GFY: variants seen among roughly 807,000 people sequenced by gnomAD.
GFY encodes the protein Golgi-associated olfactory signaling regulator.
Under a neutral mutation model 29.1 loss-of-function variants are expected in GFY, and 28 were observed. The ratio of observed to expected loss-of-function variants is 0.96; its 90% CI spans 0.71 to 1.32. GFY has a LOEUF of 1.32. GFY is among the 40% of genes most tolerant of loss of function. The pLI is 0.00. For synonymous variants in GFY, 277 were observed against 274.5 expected, an observed-to-expected ratio of 1.01 and a Z score of -0.09; for missense variants, 656 against 661.9, an observed-to-expected ratio of 0.99 and a Z score of 0.10.
intron 1 of GFY, among the ~76,000 whole-genome samples, chr19:49,425,951 C>T (rs534312096): frequency 7.9e-5 from 12 of 152,278 alleles, no homozygotes; most frequent in African/African-American, 2.6e-4. Flanking sequence ...CCAAATGTCT[C>T]CCTCCTCCCT....
chr19:49,427,149 C>A lies in GFY; in HGVS notation c.719C>A (p.Thr240Asn), dbSNP rs558073384. ...GCTCTCCATCCTGACCCTTCTAAAA[C>A]CCCCCACCCAGAATCCCATGTGACC... Reference protein sequence around the residue: ...LQALHPDPSKTPHPESHVTHN... With the variant: ...LQALHPDPSKNPHPESHVTHN... Residue 240 changes from threonine (T) to asparagine (N), a missense_variant, in exon 2 of 4, where the codon ACC (threonine) becomes AAC (asparagine). By Grantham distance (65) the Thr-to-Asn change is moderately conservative. Coordinates refer to ENST00000610896, the MANE Select transcript of GFY (RefSeq NM_001195256.2). 1,083 of 1,535,870 alleles carry A rather than the reference C, an allele frequency of 7.1e-4. 1 individual carries two copies. The highest frequency in any genetic ancestry group is 9.1e-4 in the Non-Finnish European group (1,041 of 1,146,838).
At chr19:49,425,101 T>C (rs1321086801), upstream of GFY, among the ~76,000 whole-genome samples, 1 of 150,874 alleles carries the variant, frequency 6.6e-6, no homozygotes, top group Admixed American at 6.6e-5. Flanking sequence ...ACTGGAGTTC[T>C]GAGTCTGGGG....
At chr19:49,427,835 G>C (rs928997891) in intron 2 of GFY, 111 bp from the exon 3 acceptor site, 2 of 1,363,834 alleles carry the variant, frequency 1.5e-6, no homozygotes, top group Non-Finnish European at 2.0e-6. Flanking sequence ...GAGGGAGAAG[G>C]GTTTGGGAAC....
chr19:49,427,894 G>A, intron 2 of GFY, 52 bp from the exon 3 acceptor site: 2 of 1,502,240 alleles, frequency 1.3e-6, no homozygotes, highest in Non-Finnish European at 1.8e-6. Context: ...TGGACCCCTG[G>A]GTCTGAGAGA....
chr19:49,427,987 G>T lies in GFY; in HGVS notation c.1225G>T (p.Ala409Ser). The T allele has an allele frequency of 6.5e-7, 1 of 1,535,736 alleles. No individual in the cohort carries two copies. Among genetic ancestry groups the T allele is most frequent in the Non-Finnish European group, 8.7e-7 (1 of 1,146,566 alleles). ...VGRPRGAAGGALCLFFAGTAL... is the reference protein window; with the variant it reads ...VGRPRGAAGGSLCLFFAGTAL... ...GCGACCACGTGGCGCAGCAGGCGGG[G>T]CCCTCTGCCTGTTCTTCGCGGGGAC... is the stretch of plus-strand genomic sequence containing the variant. Residue 409 changes from alanine to serine, a missense_variant, in exon 3 of 4, where the codon GCC (alanine) becomes TCC (serine). Physicochemically the swap from Ala to Ser is moderately conservative, Grantham distance 99 (BLOSUM62 1). Transcript: ENST00000610896.
Position 49,427,308 on chromosome 19 carries a change from A to G in GFY, c.878A>G (p.Lys293Arg), listed in dbSNP as rs1165443927. ...SLYPETPVPF[K>R]DDATALNELS... ...TACCCAGAAACACCTGTGCCCTTCA[A>G]GGATGACGCCACTGCTCTAAATGAG... is the stretch of plus-strand genomic sequence containing the variant. The change falls in exon 2 of 4, where the codon AAG (lysine) becomes AGG (arginine). Residue 293 changes from lysine (K) to arginine (R), a missense_variant. Physicochemically the swap from Lys to Arg is conservative, Grantham distance 26. Transcript: ENST00000610896. 6.5e-7 allele frequency: 1 copy of G among 1,536,090 alleles called. No individual in the cohort carries two copies. The highest frequency in any genetic ancestry group is 2.4e-5 in the East Asian group (1 of 40,936).
In GFY at chr19:49,427,250, A is replaced by C; in HGVS notation, c.820A>C (p.Arg274=). The C allele has an allele frequency of 6.5e-7, 1 of 1,536,122 alleles. No homozygotes were observed. The highest frequency in any genetic ancestry group is 8.7e-7 in the Non-Finnish European group (1 of 1,146,894). The part of the protein sequence containing the change: ...TYYQNATDVP[R]TSDPQISTSL... ...CTACCAAAATGCAACAGATGTACCC[A>C]GGACCTCCGACCCTCAAATCTCCAC... is the stretch of plus-strand genomic sequence containing the variant. The change falls in exon 2 of 4, where the codon AGG becomes CGG. Residue 274 remains arginine, a synonymous_variant. Transcript: ENST00000610896.
Position 49,427,450 on chromosome 19 carries a change from T to C in GFY, c.1020T>C (p.Pro340=), listed in dbSNP as rs1225284650. ...VELKAPQNSG[P]KESNVPPPSA... is the part of the protein sequence containing the mutation. ...TGAAGGCCCCCCAGAACTCTGGCCC[T>C]AAGGAGTCCAACGTCCCTCCTCCCT... Residue 340 remains proline (P), a synonymous_variant, in exon 2 of 4, where the codon CCT becomes CCC. Coordinates refer to ENST00000610896, the MANE Select transcript of GFY (RefSeq NM_001195256.2). The C allele has an allele frequency of 6.5e-7, 1 of 1,535,740 alleles. No homozygotes were observed. Among genetic ancestry groups the C allele is most frequent in the South Asian group, 1.2e-5 (1 of 84,000 alleles).
rs1045676141 is a variant in GFY, at chr19:49,428,659, C to T, written c.1398C>T (p.Tyr466=). The change falls in exon 4 of 4, where the codon TAC becomes TAT. Residue 466 remains tyrosine, a synonymous_variant. Transcript: ENST00000610896. ...LDAPKDPYDL[Y]FYAPDTWVPS... ...CCCCGAAAGACCCCTACGACCTCTA[C>T]TTTTATGCTCCGGATACCTGGGTCC... is the stretch of plus-strand genomic sequence containing the variant. The T allele has an allele frequency of 9.7e-5, 148 of 1,526,920 alleles. No homozygotes were observed. The highest frequency in any genetic ancestry group is 1.2e-4 in the African/African-American group (9 of 72,598). The allele number at this position is 1,526,920 out of a possible 1,614,324, so 94.6% of individuals were successfully genotyped here.
In GFY at chr19:49,427,351, A is replaced by C; in HGVS notation, c.921A>C (p.Lys307Asn). The C allele has an allele frequency of 6.5e-7, 1 of 1,536,176 alleles. No homozygotes were observed. ...TALNELSLNP[K>N]PGTPAAIQPD... ...TAAATGAGCTGTCCCTGAATCCCAAACCAGGAACACCTGCAGCCATCCAGC... is the reference window on the plus strand; with the variant it reads ...TAAATGAGCTGTCCCTGAATCCCAACCCAGGAACACCTGCAGCCATCCAGC... Residue 307 changes from lysine (K) to asparagine (N), a missense_variant, in exon 2 of 4, where the codon AAA becomes AAC. Physicochemically the swap from Lys to Asn is moderately conservative, Grantham distance 94 (BLOSUM62 0). Coordinates refer to ENST00000610896, the MANE Select transcript of GFY (RefSeq NM_001195256.2).
chr19:49,427,874 G>A, intron 2 of GFY, 72 bp from the exon 3 acceptor site: 1 of 1,473,072 alleles, frequency 6.8e-7, no homozygotes, highest in Non-Finnish European at 9.1e-7. Flanking sequence ...GGGAGGAGGG[G>A]CTAGGAGCTT....
Position 49,428,707 on chromosome 19 carries a change from GC to G in GFY, c.1451del (p.Pro484ArgfsTer?). 1.3e-6 allele frequency: 2 copies of G among 1,531,304 alleles called. No homozygotes were observed. Among genetic ancestry groups the G allele is most frequent in the African/African-American group, 1.4e-5 (1 of 72,838 alleles). 94.9% of individuals were successfully genotyped at this position (1,531,304 alleles called of 1,614,324 possible). A position where few individuals can be genotyped will look rare whatever the true frequency, so the allele number is the denominator to read the frequency against. ...TCCCTTCCCACATCGCCACCAAGCA[GC>G]CCCCGCCCACACCTCCTCTGCCACC... is the stretch of plus-strand genomic sequence containing the variant. ...WVPSHIATKQ[P>X]PPTPPLPPKL... On this transcript the variant is annotated frameshift_variant, in exon 4 of 4. Coordinates refer to ENST00000610896, the MANE Select transcript of GFY (RefSeq NM_001195256.2). LOFTEE classifies it high-confidence loss of function.
chr19:49,427,583 A>C lies in GFY; in HGVS notation c.1153A>C (p.Ile385Leu). 4.7e-6 allele frequency: 7 copies of C among 1,483,436 alleles called. No homozygotes were observed. The highest frequency in any genetic ancestry group is 5.3e-6 in the Non-Finnish European group (6 of 1,123,692). 91.9% of individuals were successfully genotyped at this position (1,483,436 alleles called of 1,614,324 possible). The change falls in exon 2 of 4, where the codon ATC (isoleucine) becomes CTC (leucine). Residue 385 changes from isoleucine to leucine, a missense_variant. Transcript: ENST00000610896. Reference protein sequence around the residue: ...RHSRGEGVNTIIVVERVKETG... With the variant: ...RHSRGEGVNTLIVVERVKETG... ...CAGCCGAGGTGAGGGAGTCAACACC[A>C]TCATCGTGGTGGAGCGAGTGAAGGA...
Position 49,426,493 on chromosome 19 carries a change from C to A in GFY, c.63C>A (p.Ala21=), listed in dbSNP as rs1225536217. The A allele has an allele frequency of 2.6e-6, 4 of 1,536,174 alleles. No homozygotes were observed. The highest frequency in any genetic ancestry group is 2.0e-5 in the Admixed American group (1 of 51,004). Residue 21 remains alanine, a synonymous_variant, in exon 2 of 4, where the codon GCC becomes GCA. Transcript: ENST00000610896. The part of the protein sequence containing the change: ...VFLLAGLRSK[A]APSAPLPLGC... The stretch of plus-strand genomic sequence containing the variant: ...TCCTCGCCGGCCTGAGGTCCAAGGC[C>A]GCTCCCTCAGCCCCTCTGCCTTTGG...
At position 49,426,561 on chromosome 19, in the gene GFY, C is replaced by T. The variant is rs1348933784; in HGVS notation, c.131C>T (p.Pro44Leu). The stretch of plus-strand genomic sequence containing the variant: ...ATGGCCCACCCCTCTGAGACTTCCC[C>T]TCTGAAGGGTGCTTCTGAAAATTCC... ...PDMAHPSETS[P>L]LKGASENSKR... is the part of the protein sequence containing the mutation. The change falls in exon 2 of 4, where the codon CCT becomes CTT. Residue 44 changes from proline to leucine, a missense_variant. Coordinates refer to ENST00000610896, the MANE Select transcript of GFY (RefSeq NM_001195256.2). 1.3e-6 allele frequency: 2 copies of T among 1,536,168 alleles called. No homozygotes were observed. The highest frequency in any genetic ancestry group is 1.7e-6 in the Non-Finnish European group (2 of 1,146,910).
At chr19:49,426,039 G>T (rs1317604037) in intron 1 of GFY, among the ~76,000 whole-genome samples, 1 of 152,174 alleles carries the variant, frequency 6.6e-6, no homozygotes, top group African/African-American at 2.4e-5. Flanking sequence ...TGTCCCGGGG[G>T]ACCTCGGAGA....
chr19:49,426,855 C>A lies in GFY; in HGVS notation c.425C>A (p.Thr142Asn). The change falls in exon 2 of 4, where the codon ACT becomes AAT. Residue 142 changes from threonine (T) to asparagine (N), a missense_variant. Coordinates refer to ENST00000610896, the MANE Select transcript of GFY (RefSeq NM_001195256.2). ...TCTGAGACCCCCACACCTGGCCCAA[C>A]TGAAATGCCACACCCAGGATCCCCT... ...ESSETPTPGP[T>N]EMPHPGSPET... 1 of 1,535,906 alleles carries A rather than the reference C, an allele frequency of 6.5e-7. No individual in the cohort carries two copies. Among genetic ancestry groups the A allele is most frequent in the Non-Finnish European group, 8.7e-7 (1 of 1,146,832 alleles).
intron 3 of GFY, 92 bp from the exon 4 acceptor site, chr19:49,428,527 T>C: frequency 1.0e-6 from 1 of 981,256 alleles, no homozygotes; most frequent in Non-Finnish European, 1.4e-6. Flanking sequence ...GGCCTCCTGA[T>C]CGGTCGGCCG....
rs1384632503 is a variant in GFY at position 49,428,711 on chromosome 19, C to T, written c.1450C>T (p.Pro484Ser). The change falls in exon 4 of 4, where the codon CCG becomes TCG. Residue 484 changes from proline to serine, a missense_variant. By Grantham distance (74) the Pro-to-Ser change is moderately conservative (BLOSUM62 -1). Transcript: ENST00000610896. ...TTCCCACATCGCCACCAAGCAGCCC[C>T]CGCCCACACCTCCTCTGCCACCAAA... Reference protein sequence around the residue: ...VPSHIATKQPPPTPPLPPKLP... With the variant: ...VPSHIATKQPSPTPPLPPKLP... 6.5e-7 allele frequency: 1 copy of T among 1,531,586 alleles called. No homozygotes were observed. The highest frequency in any genetic ancestry group is 2.0e-5 in the Admixed American group (1 of 50,540). The allele number at this position is 1,531,586 out of a possible 1,614,324, so 94.9% of individuals were successfully genotyped here. A position where few individuals can be genotyped will look rare whatever the true frequency, so the allele number is the denominator to read the frequency against.
Sources: gnomAD v4.1 joint callset for allele counts (sites outside exome capture counted in the v4.1 genomes callset) on GRCh38, gnomAD v4.1.1 for gene constraint, MANE v1.5 for transcripts, NCBI Gene and HGNC (gene_info 2026-07-23, HGNC 2026-07-21) for gene names.